WNT3A: variants seen among roughly 807,000 people sequenced by gnomAD.
The protein encoded by WNT3A is Wnt family member 3A, also known as protein Wnt-3a.
WNT3A carries 17 observed loss-of-function variants against 37.0 expected under a neutral mutation model. The observed-to-expected ratio is 0.46, with a 90% CI of 0.31 to 0.69. The LOEUF (loss-of-function observed/expected upper bound fraction) is 0.69, where lower values mean the gene tolerates loss of function less well. WNT3A is among the 30% of genes least tolerant of loss of function. The pLI, the probability that WNT3A is intolerant of heterozygous loss-of-function variation, is 0.05. For synonymous variants in WNT3A, 187 were observed against 211.0 expected, an observed-to-expected ratio of 0.89 and a Z score of 0.99; for missense variants, 411 against 510.2, an observed-to-expected ratio of 0.81 and a Z score of 1.87.
chr1:228,030,331 G>C (rs888581258), intron 2 of WNT3A, among the ~76,000 whole-genome samples: 2 of 151,674 alleles, frequency 1.3e-5, no homozygotes, highest in Non-Finnish European at 2.9e-5. Flanking sequence ...GGGAGGCGGA[G>C]GTTTTAGTGA....
intron 2 of WNT3A, among the ~76,000 whole-genome samples, chr1:228,024,843 T>G (rs2030813869): frequency 1.3e-5 from 2 of 152,316 alleles, no homozygotes; most frequent in South Asian, 4.1e-4. Flanking sequence ...TCTAACCACA[T>G]TTTTTTGCAT....
At chr1:228,013,839 A>T (rs2030448401) in intron 1 of WNT3A, among the ~76,000 whole-genome samples, 1 of 152,236 alleles carries the variant, frequency 6.6e-6, no homozygotes, top group Non-Finnish European at 1.5e-5. Flanking sequence ...CTCAGGTCTG[A>T]GGAAGGAAGC....
At position 228,050,674 on chromosome 1, in the gene WNT3A, T is replaced by C. The variant is rs1416614180; in HGVS notation, c.332T>C (p.Phe111Ser). The C allele has an allele frequency of 6.2e-7, 1 of 1,606,506 alleles. No homozygotes were observed. Among genetic ancestry groups the C allele is most frequent in the Non-Finnish European group, 8.5e-7 (1 of 1,175,032 alleles). Residue 111 changes from phenylalanine (F) to serine (S), a missense_variant, in exon 3 of 4, where the codon TTT becomes TCT. By Grantham distance (155) the Phe-to-Ser change is radical. Coordinates refer to ENST00000284523, the MANE Select transcript of WNT3A (RefSeq NM_033131.4). This position sits in a 1 kb window ranked among gnomAD's most constrained non-coding sequence, Gnocchi z 5.0. ...TCTACAGCTACCAGGGAGTCGGCCT[T>C]TGTCCACGCCATTGCCTCAGCCGGT... ...VLDKATRESA[F>S]VHAIASAGVA...
chr1:228,013,994 C>G (rs943221143), intron 1 of WNT3A, among the ~76,000 whole-genome samples: 25 of 152,234 alleles, frequency 1.6e-4, no homozygotes, highest in Non-Finnish European at 3.1e-4. Context: ...CCTGGTCCTC[C>G]ACACCTGCCT....
At position 228,008,132 on chromosome 1, in the gene WNT3A, G is replaced by A. The variant is rs559393034; in HGVS notation, c.71+933G>A. 6.6e-6 allele frequency among the ~76,000 whole-genome samples: 1 copy of A among 152,280 alleles called. No individual in the cohort carries two copies. The highest frequency in any genetic ancestry group is 1.9e-4 in the East Asian group (1 of 5,164). ...ATCCCTCAGAGCCCTCACCAAGCAAGGATCACCCCAGTTCCGAATTAAGGG... is the reference window on the plus strand; with the variant it reads ...ATCCCTCAGAGCCCTCACCAAGCAAAGATCACCCCAGTTCCGAATTAAGGG... On this transcript the variant is annotated intron_variant, in intron 1 of 3. Coordinates refer to ENST00000284523, the MANE Select transcript of WNT3A (RefSeq NM_033131.4). The surrounding 1 kb of genome is among the most constrained non-coding windows in gnomAD (Gnocchi z 4.9).
At chr1:228,021,834 C>T (rs2030715070) in intron 1 of WNT3A, among the ~76,000 whole-genome samples, 1 of 152,250 alleles carries the variant, frequency 6.6e-6, no homozygotes, top group Admixed American at 6.5e-5. Context: ...CAGCCCCCAC[C>T]TGACCCGGTC....
intron 2 of WNT3A, among the ~76,000 whole-genome samples, chr1:228,035,259 C>G (rs919669263): frequency 1.3e-5 from 2 of 152,312 alleles, no homozygotes; most frequent in African/African-American, 4.8e-5. Flanking sequence ...ATCCTCATGC[C>G]CATCTGTTGA....
chr1:228,044,742 C>T (rs557368933), intron 2 of WNT3A, among the ~76,000 whole-genome samples: 23 of 152,336 alleles, frequency 1.5e-4, no homozygotes, highest in African/African-American at 5.3e-4. Flanking sequence ...GCTTGATAAA[C>T]ACTGTGAGCA....
At chr1:228,019,787 G>A (rs959080032) in intron 1 of WNT3A, among the ~76,000 whole-genome samples, 16 of 152,200 alleles carry the variant, frequency 1.1e-4, no homozygotes, top group African/African-American at 3.9e-4. Flanking sequence ...AAATACTGTA[G>A]CAGGCACGTC....
intron 1 of WNT3A, among the ~76,000 whole-genome samples, chr1:228,013,903 A>T (rs2102761149): frequency 6.6e-6 from 1 of 152,354 alleles, no homozygotes; most frequent in East Asian, 1.9e-4. Context: ...GATTTGGAAC[A>T]GGATGTTTGC....
At chr1:228,058,096 C>T (rs956230607) in intron 3 of WNT3A, among the ~76,000 whole-genome samples, 12 of 152,168 alleles carry the variant, frequency 7.9e-5, no homozygotes, top group African/African-American at 4.8e-5. Flanking sequence ...CCACCATGCC[C>T]GGCCAGAAAC....
At chr1:228,009,450 A>G (rs2030306766) in intron 1 of WNT3A, among the ~76,000 whole-genome samples, 1 of 152,142 alleles carries the variant, frequency 6.6e-6, no homozygotes, top group Non-Finnish European at 1.5e-5. Context: ...TACCCAGTAG[A>G]GCATCTCCTC....
intron 2 of WNT3A, among the ~76,000 whole-genome samples, chr1:228,024,629 G>C (rs1243915238): frequency 6.6e-6 from 1 of 151,912 alleles, no homozygotes; most frequent in Non-Finnish European, 1.5e-5. Context: ...TTTCATTTTT[G>C]TGAGAGTGTC....
Position 228,051,044 on chromosome 1 carries a change from G to A in WNT3A, c.579+123G>A, listed in dbSNP as rs539436609. On this transcript the variant is annotated intron_variant, in intron 3 of 3. Transcript: ENST00000284523. ...TGGTGGCCAGGCTGAGGGTCTTCTC[G>A]ACCCCTGCCTGGGGTGTGCGAAGCT... 6 of 1,265,294 alleles carry A rather than the reference G, an allele frequency of 4.7e-6. No individual in the cohort carries two copies. In the South Asian group the frequency reaches 6.3e-5, roughly 13 times the overall value. 78.4% of individuals were successfully genotyped at this position (1,265,294 alleles called of 1,614,324 possible). A position where few individuals can be genotyped will look rare whatever the true frequency, so the allele number is the denominator to read the frequency against.
In WNT3A at chr1:228,007,790, C is replaced by T. The variant is rs1009597676; in HGVS notation, c.71+591C>T. Reference sequence around the variant, plus strand: ...CCCCGCGCGCCTCCCCGCCGCAGTCCGGGCACGGGGGTTTCCAGGGGCCCT... The same window carrying T: ...CCCCGCGCGCCTCCCCGCCGCAGTCTGGGCACGGGGGTTTCCAGGGGCCCT... On this transcript the variant is annotated intron_variant, in intron 1 of 3. Transcript: ENST00000284523. This position sits in a 1 kb window ranked among gnomAD's most constrained non-coding sequence, Gnocchi z 6.0. Among the ~76,000 whole-genome samples the T allele has an allele frequency of 6.6e-6, 1 of 152,066 alleles. No homozygotes were observed. Among genetic ancestry groups the T allele is most frequent in the East Asian group, 1.9e-4 (1 of 5,136 alleles).
At chr1:228,032,471 G>A (rs1270097160) in intron 2 of WNT3A, among the ~76,000 whole-genome samples, 2 of 152,188 alleles carry the variant, frequency 1.3e-5, no homozygotes, top group South Asian at 2.1e-4. Context: ...GCCTATGAAC[G>A]AGTCCTGCTC....
At chr1:228,023,874 G>A (rs960523425) in intron 2 of WNT3A, among the ~76,000 whole-genome samples, 4 of 152,186 alleles carry the variant, frequency 2.6e-5, no homozygotes, top group African/African-American at 9.7e-5. Context: ...CTTCTCCCCT[G>A]TGATTTAGCT....
chr1:228,008,363 A>C lies in WNT3A; in HGVS notation c.71+1164A>C, dbSNP rs1363254332. Reference sequence around the variant, plus strand: ...AGACCCAGCGAGCCGAGGTACATCTAATCCGATAATAATTTTTCTCTTCGA... The same window carrying C: ...AGACCCAGCGAGCCGAGGTACATCTCATCCGATAATAATTTTTCTCTTCGA... On this transcript the variant is annotated intron_variant, in intron 1 of 3. Coordinates refer to ENST00000284523, the MANE Select transcript of WNT3A (RefSeq NM_033131.4). The surrounding 1 kb of genome is among the most constrained non-coding windows in gnomAD (Gnocchi z 4.9). Among the ~76,000 whole-genome samples the C allele has an allele frequency of 6.6e-6, 1 of 152,174 alleles. No homozygotes were observed. The highest frequency in any genetic ancestry group is 2.4e-5 in the African/African-American group (1 of 41,450).
chr1:228,022,684 C>T lies in WNT3A; in HGVS notation c.89C>T (p.Pro30Leu), dbSNP rs192966556. ...YPIWWSLAVGPQYSSLGSQPI... is the reference protein window; with the variant it reads ...YPIWWSLAVGLQYSSLGSQPI... ...CTCTGCAGGTCGCTGGCTGTTGGGC[C>T]ACAGTATTCCTCCCTGGGCTCGCAG... is the stretch of plus-strand genomic sequence containing the variant. The change falls in exon 2 of 4, where the codon CCA becomes CTA. Residue 30 changes from proline to leucine, a missense_variant. Transcript: ENST00000284523. 7 of 1,613,426 alleles carry T rather than the reference C, an allele frequency of 4.3e-6. No individual in the cohort carries two copies. In the Admixed American group the frequency reaches 5.0e-5, roughly 12 times the overall value.
Sources: allele counts gnomAD v4.1 joint callset (sites outside exome capture counted in the v4.1 genomes callset), GRCh38; gene constraint gnomAD v4.1.1; non-coding constraint Gnocchi (gnomAD v3.1); transcripts MANE v1.5; gene names NCBI Gene and HGNC (gene_info 2026-07-23, HGNC 2026-07-21).